Variants in BICDL2 observed in about 807,000 individuals in gnomAD.
The protein encoded by BICDL2 is BICD family like cargo adaptor 2.
A neutral mutation model predicts 56.6 loss-of-function variants in BICDL2; 62 were observed. That is an observed-to-expected ratio of 1.10 (90% CI 0.89 to 1.35). The LOEUF is 1.35. BICDL2 is among the 40% of genes most tolerant of loss of function. The pLI is 0.00. For missense variants in BICDL2, 808 were observed against 684.5 expected, an observed-to-expected ratio of 1.18 and a Z score of -2.01; for synonymous variants, 358 against 319.8, an observed-to-expected ratio of 1.12 and a Z score of -1.27.
At position 3,028,718 on chromosome 16, in the gene BICDL2, C is replaced by T. The variant is rs371238238; in HGVS notation, c.1220G>A (p.Arg407Gln). 1.3e-6 allele frequency: 2 copies of T among 1,568,542 alleles called. No homozygotes were observed. The highest frequency in any genetic ancestry group is 1.4e-5 in the African/African-American group (1 of 73,854). ...GEALHSALSD[R>Q]DEAVNKALEL... ...GGCTTACTTGTTCACGGCCTCGTCC[C>T]GGTCTGAGAGGGCACTGTGCAGGGC... The change falls in exon 8 of 10, where the codon CGG becomes CAG. Residue 407 changes from arginine to glutamine, a missense_variant. Physicochemically the swap from Arg to Gln is conservative, Grantham distance 43. Coordinates refer to ENST00000572449, the MANE Select transcript of BICDL2 (RefSeq NM_001369667.1).
At position 3,031,116 on chromosome 16, in the gene BICDL2, C is replaced by G. The variant is rs748471860; in HGVS notation, c.317G>C (p.Gly106Ala). 1.3e-6 allele frequency: 2 copies of G among 1,535,796 alleles called. No individual in the cohort carries two copies. The highest frequency in any genetic ancestry group is 1.7e-6 in the Non-Finnish European group (2 of 1,146,518). Residue 106 changes from glycine (G) to alanine (A), a missense_variant, in exon 3 of 10, where the codon GGC becomes GCC. Gly to Ala is a moderately conservative substitution (Grantham distance 60). Coordinates refer to ENST00000572449, the MANE Select transcript of BICDL2 (RefSeq NM_001369667.1). ...LQQENHELRR[G>A]LAARGAEWEA... ...CCACTCGGCTCCTCGGGCTGCCAGG[C>G]CTCGCCGGAGCTCATGGTTCTCCTG...
chr16:3,036,221 GCC>G (rs1373697537), intron 1 of BICDL2: 1 of 453,082 alleles, frequency 2.2e-6, no homozygotes, highest in Non-Finnish European at 4.4e-6. Flanking sequence ...CTGACCCTCA[GCC>G]CCCCAGTTTC....
chr16:3,027,848 G>A lies in BICDL2; in HGVS notation c.*258C>T, dbSNP rs2151137870. The stretch of plus-strand genomic sequence containing the variant: ...TACATAAATACCCAGCCCCATCCCT[G>A]CCCTAGAAAAGATAGACGTATATTA... On this transcript the variant is annotated 3_prime_UTR_variant, in exon 10 of 10. Transcript: ENST00000572449. 1 of 830,066 alleles carries A rather than the reference G, an allele frequency of 1.2e-6. No homozygotes were observed. Among genetic ancestry groups the A allele is most frequent in the Non-Finnish European group, 1.8e-6 (1 of 559,484 alleles). 51.4% of individuals were successfully genotyped at this position (830,066 alleles called of 1,614,324 possible). A position where few individuals can be genotyped will look rare whatever the true frequency, so the allele number is the denominator to read the frequency against.
In BICDL2 at chr16:3,027,704, A is replaced by ATT. The variant is rs756033587; in HGVS notation, c.*400_*401dup. The ATT allele has an allele frequency of 7.2e-7, 1 of 1,384,296 alleles. No individual in the cohort carries two copies. The highest frequency in any genetic ancestry group is 2.9e-5 in the Admixed American group (1 of 34,576). 85.8% of individuals were successfully genotyped at this position (1,384,296 alleles called of 1,614,324 possible). ...AGCTCAGGGTTTTAGAGTGTTTTTCATTTTCTTTTTTTTTTTTTTTTTACA... is the reference window on the plus strand; with the variant it reads ...AGCTCAGGGTTTTAGAGTGTTTTTCATTTTTTCTTTTTTTTTTTTTTTTTACA... On this transcript the variant is annotated 3_prime_UTR_variant, in exon 10 of 10. Coordinates refer to ENST00000572449, the MANE Select transcript of BICDL2 (RefSeq NM_001369667.1).
chr16:3,030,786 C>T lies in BICDL2; in HGVS notation c.525G>A (p.Gln175=). 2 of 1,611,604 alleles carry T rather than the reference C, an allele frequency of 1.2e-6. No homozygotes were observed. The part of the protein sequence containing the change: ...AQASQTEQEL[Q]RELDALRGQC... ...GTCCCCGAAGGGCGTCCAGTTCCCT[C>T]TGAAGTTCCTGCTCAGTCTGGGAGG... The change falls in exon 4 of 10, where the codon CAG becomes CAA. Residue 175 remains glutamine, a synonymous_variant. Coordinates refer to ENST00000572449, the MANE Select transcript of BICDL2 (RefSeq NM_001369667.1).
At chr16:3,035,176 T>TTGGCCGGGGGG in intron 2 of BICDL2, 39 bp downstream of exon 2, 1 of 136,274 alleles carries the variant, frequency 7.3e-6, no homozygotes, top group Non-Finnish European at 1.4e-5. Context: ...CGTCCTCCCC[T>TTGGCCGGGGGG]GCCCACCCAC....
At chr16:3,035,176 T>TGGGGGGGGGGGGGGGGGGGG in intron 2 of BICDL2, 39 bp downstream of exon 2, 2 of 136,272 alleles carry the variant, frequency 1.5e-5, no homozygotes, top group African/African-American at 4.1e-5. Context: ...CGTCCTCCCC[T>TGGGGGGGGGGGGGGGGGGGG]GCCCACCCAC....
chr16:3,028,870 A>G (rs1270439761), intron 7 of BICDL2, 40 bp from the exon 8 acceptor site: 1 of 1,518,258 alleles, frequency 6.6e-7, no homozygotes, highest in South Asian at 1.2e-5. Context: ...AGATGGGCCA[A>G]TGGGCCTCCC....
At chr16:3,035,176 T>TTGGCGCGGGGGGGGGGGGG in intron 2 of BICDL2, 39 bp downstream of exon 2, 1 of 136,274 alleles carries the variant, frequency 7.3e-6, no homozygotes, top group Non-Finnish European at 1.4e-5. Context: ...CGTCCTCCCC[T>TTGGCGCGGGGGGGGGGGGG]GCCCACCCAC....
intron 9 of BICDL2, 30 bp downstream of exon 9, chr16:3,028,318 C>G (rs1462531989): frequency 6.5e-7 from 1 of 1,543,264 alleles, no homozygotes; most frequent in African/African-American, 1.4e-5. Context: ...CGCCCCTTGC[C>G]CCGCCCCGCA....
At chr16:3,035,625 T>C (rs1038053080) in intron 1 of BICDL2, 99 bp from the exon 2 acceptor site, 43 of 1,105,852 alleles carry the variant, frequency 3.9e-5, no homozygotes, top group Admixed American at 1.1e-4. Context: ...TGCCCGGTCC[T>C]GCAGCCAGGG....
chr16:3,032,901 T>A (rs1244205415), intron 2 of BICDL2: 2 of 152,142 alleles, frequency 1.3e-5, no homozygotes, highest in Non-Finnish European at 2.9e-5. Context: ...AGGGTTTTGG[T>A]TTCATTCTAA....
In BICDL2 at chr16:3,029,575, G is replaced by T; in HGVS notation, c.927C>A (p.Gly309=). Residue 309 remains glycine (G), a synonymous_variant, in exon 6 of 10, where the codon GGC becomes GGA. Coordinates refer to ENST00000572449, the MANE Select transcript of BICDL2 (RefSeq NM_001369667.1). ...LAHSLDDGDQ[G]QGADAPGDTP... ...TGTCTCCGGGTGCGTCGGCGCCCTG[G>T]CCCTGGTCGCCGTCGTCGAGGCTGT... is the stretch of plus-strand genomic sequence containing the variant. 6.5e-7 allele frequency: 1 copy of T among 1,545,416 alleles called. No individual in the cohort carries two copies. Among genetic ancestry groups the T allele is most frequent in the South Asian group, 1.2e-5 (1 of 84,670 alleles).
At chr16:3,036,573 G>A (rs1450101652) in intron 1 of BICDL2, 6 of 452,084 alleles carry the variant, frequency 1.3e-5, no homozygotes, top group South Asian at 9.3e-5. Context: ...GGCCGCTCCC[G>A]GGGACCTCCC....
At chr16:3,036,850 C>T (rs1210462361) in intron 1 of BICDL2, 44 bp downstream of exon 1, 2 of 307,032 alleles carry the variant, frequency 6.5e-6, no homozygotes, top group Non-Finnish European at 1.3e-5. Context: ...CAGGCCCTCC[C>T]CAGGCTCGAG....
intron 2 of BICDL2, chr16:3,032,046 C>G (rs1955664564): frequency 6.6e-6 from 1 of 152,300 alleles, no homozygotes; most frequent in South Asian, 2.1e-4. Context: ...ATTCTCCTGC[C>G]TCAGCCTCCC....
At position 3,035,512 on chromosome 16, in the gene BICDL2, T is replaced by C. The variant is rs1359229591; in HGVS notation, c.-16A>G. The C allele has an allele frequency of 6.3e-7, 1 of 1,597,550 alleles. No homozygotes were observed. On this transcript the variant is annotated 5_prime_UTR_variant, in exon 2 of 10. Transcript: ENST00000572449. ...GAGAGCTCATGTCACCTGCAGCATC[T>C]GCGGGGACAGGTGGCTGCGGGACAC...
rs1410707164 is a variant in BICDL2, at chr16:3,028,280, G to C, written c.1360-7C>G. ...TCACCACCTGCATGTCGTCCTGCGG[G>C]AGGCCGTGGTCGGCTCAGCGCCGGT... is the stretch of plus-strand genomic sequence containing the variant. On this transcript the variant is annotated splice_region_variant and splice_polypyrimidine_tract_variant and intron_variant, in intron 9 of 9. Coordinates refer to ENST00000572449, the MANE Select transcript of BICDL2 (RefSeq NM_001369667.1). The C allele has an allele frequency of 6.7e-7, 1 of 1,492,872 alleles. No individual in the cohort carries two copies. The highest frequency in any genetic ancestry group is 8.8e-7 in the Non-Finnish European group (1 of 1,134,824). The allele number at this position is 1,492,872 out of a possible 1,614,324, so 92.5% of individuals were successfully genotyped here.
Position 3,031,123 on chromosome 16 carries a change from G to A in BICDL2, c.310C>T (p.Arg104Trp), listed in dbSNP as rs1205951309. 8.5e-6 allele frequency: 13 copies of A among 1,535,514 alleles called. No homozygotes were observed. Among genetic ancestry groups the A allele is most frequent in the African/African-American group, 2.7e-5 (2 of 73,132 alleles). ...ERLQQENHEL[R>W]RGLAARGAEW... ...GCTCCTCGGGCTGCCAGGCCTCGCC[G>A]GAGCTCATGGTTCTCCTGCTGGAGC... The change falls in exon 3 of 10, where the codon CGG becomes TGG. Residue 104 changes from arginine to tryptophan, a missense_variant. Physicochemically the swap from Arg to Trp is moderately radical, Grantham distance 101. Transcript: ENST00000572449.
Sources: gnomAD v4.1 joint callset for allele counts on GRCh38, gnomAD v4.1.1 for gene constraint, MANE v1.5 for transcripts, NCBI Gene and HGNC (gene_info 2026-07-23, HGNC 2026-07-21) for gene names.